GADL1: variants seen among roughly 807,000 people sequenced by gnomAD.
GADL1 encodes the protein acidic amino acid decarboxylase GADL1.
Under a neutral mutation model 69.5 loss-of-function variants are expected in GADL1, and 71 were observed. The observed-to-expected ratio is 1.02, with a 90% CI of 0.84 to 1.25. The LOEUF (loss-of-function observed/expected upper bound fraction) is 1.25. GADL1 is among the 50% of genes most tolerant of loss of function. GADL1 has a pLI of 0.00. For synonymous variants in GADL1, 254 were observed against 214.4 expected (o/e 1.18, Z -1.62); for missense variants, 737 against 631.8 (o/e 1.17, Z -1.79).
chr3:30,759,746 C>T (rs1193093141), intron 14 of GADL1, among the ~76,000 whole-genome samples: 4 of 152,280 alleles, frequency 2.6e-5, no homozygotes, highest in East Asian at 3.9e-4. Flanking sequence ...TTTCCCTGCT[C>T]GACTGCCACT....
intron 1 of GADL1, among the ~76,000 whole-genome samples, chr3:30,892,322 T>C (rs1698797330): frequency 6.6e-6 from 1 of 152,232 alleles, no homozygotes; most frequent in Admixed American, 6.5e-5. Context: ...TCATTTAACA[T>C]ACGAATTCAA....
intron 14 of GADL1, among the ~76,000 whole-genome samples, chr3:30,770,495 C>T (rs1428495975): frequency 6.6e-6 from 1 of 152,190 alleles, no homozygotes; most frequent in African/African-American, 2.4e-5. Context: ...AATAGATGTT[C>T]ATGAAATGCA....
At chr3:30,779,516 C>T (rs1454364353) in intron 13 of GADL1, among the ~76,000 whole-genome samples, 2 of 152,134 alleles carry the variant, frequency 1.3e-5, no homozygotes, top group Non-Finnish European at 2.9e-5. Context: ...AGACTACAGT[C>T]ATTCTTACAA....
At chr3:30,878,023 C>T (rs1413957337) in intron 1 of GADL1, among the ~76,000 whole-genome samples, 2 of 151,828 alleles carry the variant, frequency 1.3e-5, no homozygotes, top group Admixed American at 6.6e-5. Flanking sequence ...CAGTGTCTTA[C>T]AGGTTTTGTT....
chr3:30,754,260 A>T (rs1383482052), intron 14 of GADL1, among the ~76,000 whole-genome samples: 1 of 152,150 alleles, frequency 6.6e-6, no homozygotes, highest in East Asian at 1.9e-4. Flanking sequence ...TTATTTTTTC[A>T]AGATGTGTAA....
intron 9 of GADL1, among the ~76,000 whole-genome samples, chr3:30,834,841 G>A (rs576210431): frequency 6.6e-6 from 1 of 152,060 alleles, no homozygotes; most frequent in Non-Finnish European, 1.5e-5. Context: ...GTTATCCACT[G>A]GAGAAGTAAA....
At position 30,850,736 on chromosome 3, in the gene GADL1, A is replaced by G. The variant is rs1575234213; in HGVS notation, c.535+99T>C. ...CAGCAAGTAGAATTATTAATATCCAACTTTTTGTCGTGTATAAATCTGCAA... is the reference window on the plus strand; with the variant it reads ...CAGCAAGTAGAATTATTAATATCCAGCTTTTTGTCGTGTATAAATCTGCAA... On this transcript the variant is annotated intron_variant, in intron 5 of 14. Coordinates refer to ENST00000282538, the MANE Select transcript of GADL1 (RefSeq NM_207359.3). The G allele has an allele frequency of 4.4e-6, 3 of 676,700 alleles. No individual in the cohort carries two copies. The East Asian group carries it at 8.2e-5, about 18-fold the overall frequency. 41.9% of individuals were successfully genotyped at this position (676,700 alleles called of 1,614,324 possible).
At chr3:30,873,180 G>T (rs958868358) in intron 1 of GADL1, among the ~76,000 whole-genome samples, 1 of 151,778 alleles carries the variant, frequency 6.6e-6, no homozygotes, top group Non-Finnish European at 1.5e-5. Flanking sequence ...TGGCATAAAT[G>T]AAACAAAAAT....
intron 14 of GADL1, among the ~76,000 whole-genome samples, chr3:30,777,753 C>T (rs1696569090): frequency 6.6e-6 from 1 of 152,202 alleles, no homozygotes; most frequent in Non-Finnish European, 1.5e-5. Flanking sequence ...GGGTGTAAGA[C>T]ATAGGGCCTT....
chr3:30,781,930 G>A (rs1559498110), intron 13 of GADL1, among the ~76,000 whole-genome samples: 1 of 152,128 alleles, frequency 6.6e-6, no homozygotes, highest in Non-Finnish European at 1.5e-5. Flanking sequence ...TAATTTCTTG[G>A]TACTATATTT....
chr3:30,759,858 G>T (rs1167046246), intron 14 of GADL1, among the ~76,000 whole-genome samples: 1 of 152,042 alleles, frequency 6.6e-6, no homozygotes, highest in South Asian at 2.1e-4. Flanking sequence ...AGCTAATGTC[G>T]GCAGATATAA....
chr3:30,752,790 G>T (rs1431872214), intron 14 of GADL1, among the ~76,000 whole-genome samples: 4 of 150,230 alleles, frequency 2.7e-5, no homozygotes, highest in Admixed American at 2.6e-4. Flanking sequence ...GTTAATGGCA[G>T]GTTAAAACAA....
intron 12 of GADL1, among the ~76,000 whole-genome samples, chr3:30,792,468 G>A (rs1220277984): frequency 3.3e-5 from 5 of 152,142 alleles, no homozygotes; most frequent in African/African-American, 1.2e-4. Context: ...AGCTACTCAG[G>A]AGGCTGAGGT....
chr3:30,836,433 C>CT (rs1697875865), intron 9 of GADL1, among the ~76,000 whole-genome samples: 1 of 151,044 alleles, frequency 6.6e-6, no homozygotes, highest in African/African-American at 2.4e-5. Context: ...AAATGCCCTA[C>CT]TTTAATTTGC....
Position 30,850,844 on chromosome 3 carries a change from A to C in GADL1, c.526T>G (p.Phe176Val), listed in dbSNP as rs1698135687. The C allele has an allele frequency of 6.5e-7, 1 of 1,542,606 alleles. No individual in the cohort carries two copies. The highest frequency in any genetic ancestry group is 1.4e-5 in the African/African-American group (1 of 72,940). The change falls in exon 5 of 15, where the codon TTT becomes GTT. Residue 176 changes from phenylalanine to valine, a missense_variant. Phe to Val is a conservative substitution (Grantham distance 50, BLOSUM62 -1). Coordinates refer to ENST00000282538, the MANE Select transcript of GADL1 (RefSeq NM_207359.3). ...FIGWKEGDGIFNPGGSVSNMY... is the reference protein window; with the variant it reads ...FIGWKEGDGIVNPGGSVSNMY... Reference sequence around the variant, plus strand: ...AACTAATTGTACTCACCTGGGTTAAATATTCCATCCCCTTCTTTCCAGCCA... The same window carrying C: ...AACTAATTGTACTCACCTGGGTTAACTATTCCATCCCCTTCTTTCCAGCCA...
intron 12 of GADL1, among the ~76,000 whole-genome samples, chr3:30,795,245 G>A (rs1697009123): frequency 6.6e-6 from 1 of 152,114 alleles, no homozygotes; most frequent in South Asian, 2.1e-4. Context: ...TGGGCTTCAT[G>A]GGAAATATCT....
At position 30,728,269 on chromosome 3, in the gene GADL1, C is replaced by A. The variant is rs150796544; in HGVS notation, c.1539G>T (p.Glu513Asp). The change falls in exon 15 of 15, where the codon GAG (glutamate) becomes GAT (aspartate). Residue 513 changes from glutamate (E) to aspartate (D), a missense_variant. Coordinates refer to ENST00000282538, the MANE Select transcript of GADL1 (RefSeq NM_207359.3). The part of the protein sequence containing the change: ...SREDMDFLLD[E>D]IDLLGKDM The stretch of plus-strand genomic sequence containing the variant: ...ACATGTCTTTACCCAGTAAGTCTAT[C>A]TCATCCAGGAGGAAGTCCATGTCCT... 1.6e-5 allele frequency: 26 copies of A among 1,613,838 alleles called. No individual in the cohort carries two copies. The African/African-American group carries it at 2.9e-4, about 18-fold the overall frequency.
At chr3:30,846,193 A>G (rs777926527) in intron 6 of GADL1, among the ~76,000 whole-genome samples, 18 of 152,238 alleles carry the variant, frequency 1.2e-4, no homozygotes, top group Non-Finnish European at 2.2e-4. Flanking sequence ...GGAAAAACCT[A>G]GAAGGCTGGA....
At position 30,835,962 on chromosome 3, in the gene GADL1, A is replaced by G. The variant is rs146996149; in HGVS notation, c.904-1681T>C. Among the ~76,000 whole-genome samples, 462 of 152,246 alleles carry G rather than the reference A, an allele frequency of 3.0e-3. 4 individuals carry two copies. The highest frequency in any genetic ancestry group is 0.01 in the African/African-American group (436 of 41,568). ...TCTAGGAAAATTTTATCCCCAGCCT[A>G]CAACTGAGGATCTCCAGATCTGGAT... On this transcript the variant is annotated intron_variant, in intron 9 of 14. Transcript: ENST00000282538.
Sources: allele counts gnomAD v4.1 joint callset (sites outside exome capture counted in the v4.1 genomes callset), GRCh38; gene constraint gnomAD v4.1.1; transcripts MANE v1.5; gene names NCBI Gene and HGNC (gene_info 2026-07-23, HGNC 2026-07-21).